The following NPAS2 variants were observed in gnomAD, a reference collection of about 807,000 sequenced individuals.
The protein encoded by NPAS2 is neuronal PAS domain-containing protein 2.
In NPAS2, 23 loss-of-function variants were observed where a neutral mutation model predicts 107.5. That is an observed-to-expected ratio of 0.21 (90% CI 0.15 to 0.30). NPAS2 has a LOEUF of 0.30. Among genes scored for constraint, NPAS2 ranks in the 10% least tolerant of loss-of-function variants. NPAS2 has a pLI of 1.00. For synonymous variants in NPAS2, 403 were observed against 417.5 expected (o/e 0.97, Z 0.42); for missense variants, 756 against 1,043.3 (o/e 0.72, Z 3.79).
chr2:100,838,310 T>C (rs936765630), intron 1 of NPAS2, among the ~76,000 whole-genome samples: 2 of 152,116 alleles, frequency 1.3e-5, no homozygotes, highest in African/African-American at 4.8e-5. Flanking sequence ...AGAGTTTTGC[T>C]CTTGTTGCCC....
intron 7 of NPAS2, among the ~76,000 whole-genome samples, chr2:100,956,389 G>A (rs572987295): frequency 1.1e-4 from 16 of 152,080 alleles, no homozygotes; most frequent in African/African-American, 3.4e-4. Context: ...AGCAGCCCCC[G>A]GTGTCCACTG....
At chr2:100,993,617 G>A (rs1223029141) in intron 20 of NPAS2, 90 bp downstream of exon 20, 1 of 1,064,344 alleles carries the variant, frequency 9.4e-7, no homozygotes, top group East Asian at 2.7e-5. Context: ...TTATTCCCTT[G>A]CTTTCAAGGT....
At chr2:100,863,908 T>A (rs1227699542) in intron 1 of NPAS2, among the ~76,000 whole-genome samples, 1 of 152,184 alleles carries the variant, frequency 6.6e-6, no homozygotes, top group Non-Finnish European at 1.5e-5. Context: ...CAGTATAAGC[T>A]TTTGACCTAA....
chr2:100,955,247 G>C (rs770086424), intron 7 of NPAS2, among the ~76,000 whole-genome samples: 1 of 152,152 alleles, frequency 6.6e-6, no homozygotes, highest in Non-Finnish European at 1.5e-5. Context: ...TTAGTTAGTG[G>C]AGTGTTACAT....
chr2:100,925,272 C>A lies in NPAS2; in HGVS notation c.159C>A (p.Ile53=), dbSNP rs370264159. ...AAACCACCGTGTTGGAAAAGGTCATCGGATTTTTGCAGAAACACAATGGTA... is the reference window on the plus strand; with the variant it reads ...AAACCACCGTGTTGGAAAAGGTCATAGGATTTTTGCAGAAACACAATGGTA... The part of the protein sequence containing the change: ...MDKTTVLEKV[I]GFLQKHNEVS... Residue 53 remains isoleucine, a synonymous_variant, in exon 3 of 21, where the codon ATC becomes ATA. Coordinates refer to ENST00000335681, the MANE Select transcript of NPAS2 (RefSeq NM_002518.4). 6.2e-7 allele frequency: 1 copy of A among 1,613,974 alleles called. No individual in the cohort carries two copies. The highest frequency in any genetic ancestry group is 1.3e-5 in the African/African-American group (1 of 74,926).
At chr2:100,856,167 G>A (rs970943661) in intron 1 of NPAS2, among the ~76,000 whole-genome samples, 2 of 152,182 alleles carry the variant, frequency 1.3e-5, no homozygotes, top group Non-Finnish European at 2.9e-5. Context: ...GCTCTCTCTG[G>A]CAATTACAGG....
intron 2 of NPAS2, among the ~76,000 whole-genome samples, chr2:100,916,572 A>C (rs750574827): frequency 6.6e-6 from 1 of 152,204 alleles, no homozygotes; most frequent in Non-Finnish European, 1.5e-5. Context: ...TAATATGTAT[A>C]CACCTAAAAA....
intron 2 of NPAS2, among the ~76,000 whole-genome samples, chr2:100,918,406 A>T (rs1683019691): frequency 6.6e-6 from 1 of 152,162 alleles, no homozygotes; most frequent in Non-Finnish European, 1.5e-5. Flanking sequence ...TTAAACCTGG[A>T]CCTCATCAAA....
At chr2:100,877,689 T>C (rs1023766583) in intron 1 of NPAS2, among the ~76,000 whole-genome samples, 3 of 152,128 alleles carry the variant, frequency 2.0e-5, no homozygotes, top group African/African-American at 4.8e-5. Flanking sequence ...TTTTCTGATA[T>C]GTTTTTGCAC....
rs569991412 is a variant in NPAS2, at chr2:100,858,811, C to T, written c.-23+38397C>T. ...AGTCATTAAGGGTGATCATGTTACA[C>T]GTCAGTGTGCACGCCCCGTCCTGTT... On this transcript the variant is annotated intron_variant, in intron 1 of 20. Transcript: ENST00000335681. Among the ~76,000 whole-genome samples the T allele has an allele frequency of 2.0e-5, 3 of 152,236 alleles. No individual in the cohort carries two copies. In the South Asian group the frequency reaches 6.2e-4, roughly 32 times the overall value.
chr2:100,878,056 C>T (rs1680098083), intron 1 of NPAS2: 4 of 985,292 alleles, frequency 4.1e-6, no homozygotes, highest in South Asian at 4.7e-5. Flanking sequence ...GTGGACCTGC[C>T]GTGATTGCAA....
intron 10 of NPAS2, among the ~76,000 whole-genome samples, chr2:100,967,465 A>T (rs1676293810): frequency 6.6e-6 from 1 of 151,800 alleles, no homozygotes; most frequent in Non-Finnish European, 1.5e-5. Context: ...TGACCTCATG[A>T]TCCGCCTGCC....
At chr2:100,938,369 G>A (rs1484894485) in intron 5 of NPAS2, among the ~76,000 whole-genome samples, 1 of 152,104 alleles carries the variant, frequency 6.6e-6, no homozygotes, top group African/African-American at 2.4e-5. Flanking sequence ...CTGATGTCTT[G>A]GAAGACCTTG....
chr2:100,921,692 G>C (rs1240010823), intron 2 of NPAS2, among the ~76,000 whole-genome samples: 2 of 152,196 alleles, frequency 1.3e-5, no homozygotes, highest in African/African-American at 4.8e-5. Context: ...CTAGTCACTA[G>C]GAAAATGCAA....
At chr2:100,978,759 G>A (rs745400544) in intron 15 of NPAS2, among the ~76,000 whole-genome samples, 1 of 152,226 alleles carries the variant, frequency 6.6e-6, no homozygotes, top group Non-Finnish European at 1.5e-5. Context: ...ATAGAACCGT[G>A]AAGGAAATAT....
chr2:100,886,639 C>A (rs370703955), intron 1 of NPAS2, among the ~76,000 whole-genome samples: 13 of 152,280 alleles, frequency 8.5e-5, no homozygotes, highest in African/African-American at 2.9e-4. Flanking sequence ...AGGAACTTGC[C>A]TAAGCTAGTT....
intron 1 of NPAS2, among the ~76,000 whole-genome samples, chr2:100,882,733 G>T (rs1680449868): frequency 6.6e-6 from 1 of 152,224 alleles, no homozygotes; most frequent in Admixed American, 6.5e-5. Context: ...CCACTAGAGT[G>T]GTATGGTCAG....
rs1473820411 is a variant in NPAS2 at position 100,929,682 on chromosome 2, C to T, written c.182-3228C>T. Among the ~76,000 whole-genome samples the T allele has an allele frequency of 2.0e-5, 3 of 152,180 alleles. No homozygotes were observed. The East Asian group carries it at 5.8e-4, about 29-fold the overall frequency. On this transcript the variant is annotated intron_variant, in intron 3 of 20. Transcript: ENST00000335681. Reference sequence around the variant, plus strand: ...TTTACACCACAGAAAGGGGCAAACACTGCAAATCAGGGCTGTTTGTTGTAG... The same window carrying T: ...TTTACACCACAGAAAGGGGCAAACATTGCAAATCAGGGCTGTTTGTTGTAG...
In NPAS2 at chr2:100,868,943, A is replaced by T. The variant is rs554782260; in HGVS notation, c.-22-35790A>T. ...ATATTAAACATACTTATTTTATTTT[A>T]TTTTTTTGAGATGGAATCTCATTCT... On this transcript the variant is annotated intron_variant, in intron 1 of 20. Coordinates refer to ENST00000335681, the MANE Select transcript of NPAS2 (RefSeq NM_002518.4). 6.8e-5 allele frequency among the ~76,000 whole-genome samples: 10 copies of T among 147,192 alleles called. No individual in the cohort carries two copies. The East Asian group carries it at 1.9e-3, about 29-fold the overall frequency.
Sources: allele counts gnomAD v4.1 joint callset (sites outside exome capture counted in the v4.1 genomes callset), GRCh38; gene constraint gnomAD v4.1.1; transcripts MANE v1.5; gene names NCBI Gene and HGNC (gene_info 2026-07-23, HGNC 2026-07-21).